Variants in CFDP1 observed in about 807,000 individuals in gnomAD.
CFDP1 encodes the protein heterochromatin-stabilizing protein CFDP1.
In CFDP1, 31 loss-of-function variants were observed where a neutral mutation model predicts 40.1. The observed-to-expected ratio is 0.77, with a 90% CI of 0.58 to 1.04. CFDP1 has a LOEUF of 1.04. Ranked by LOEUF, CFDP1 falls within the 50% of genes least tolerant of loss-of-function variation. CFDP1 has a pLI of 0.00. For missense variants in CFDP1, 423 were observed against 343.4 expected, an observed-to-expected ratio of 1.23 and a Z score of -1.83; for synonymous variants, 167 against 120.0, an observed-to-expected ratio of 1.39 and a Z score of -2.56.
At chr16:75,353,334 T>C (rs1368107707) in intron 5 of CFDP1, among the ~76,000 whole-genome samples, 2 of 152,200 alleles carry the variant, frequency 1.3e-5, no homozygotes, top group African/African-American at 2.4e-5. Context: ...AAAGAAGAGA[T>C]ACATACTGAA....
chr16:75,427,084 G>C (rs527635069), intron 1 of CFDP1, among the ~76,000 whole-genome samples: 9 of 150,726 alleles, frequency 6.0e-5, no homozygotes, highest in African/African-American at 1.9e-4. Flanking sequence ...ATCTGACAAA[G>C]GACTATATCC....
intron 2 of CFDP1, among the ~76,000 whole-genome samples, chr16:75,414,229 A>T (rs897742694): frequency 6.6e-6 from 1 of 152,210 alleles, no homozygotes. Flanking sequence ...AATGAAGAAA[A>T]TATAGACATA....
chr16:75,342,070 C>A (rs2078531200), intron 5 of CFDP1, among the ~76,000 whole-genome samples: 1 of 152,204 alleles, frequency 6.6e-6, no homozygotes, highest in African/African-American at 2.4e-5. Context: ...TGTACCTCAT[C>A]CCTGAATATC....
chr16:75,326,294 C>T (rs919860402), intron 5 of CFDP1, among the ~76,000 whole-genome samples: 8 of 152,276 alleles, frequency 5.3e-5, no homozygotes, highest in African/African-American at 1.7e-4. Context: ...TACACTACTA[C>T]GTTATGAGCC....
At chr16:75,424,755 CAAAAA>C (rs34126287) in intron 1 of CFDP1, among the ~76,000 whole-genome samples, 2 of 129,454 alleles carry the variant, frequency 1.5e-5, no homozygotes. Context: ...GACTCCGTCT[CAAAAA>C]AAAAAAAAAA....
intron 5 of CFDP1, among the ~76,000 whole-genome samples, chr16:75,351,900 C>T (rs976440827): frequency 1.2e-4 from 18 of 147,642 alleles, no homozygotes; most frequent in African/African-American, 4.6e-4. Context: ...CCCAGCTACT[C>T]AGGAAGCTGA....
chr16:75,336,675 T>A (rs908163828), intron 5 of CFDP1, among the ~76,000 whole-genome samples: 1 of 152,278 alleles, frequency 6.6e-6, no homozygotes, highest in African/African-American at 2.4e-5. Context: ...TAAAGCTGTA[T>A]GTTATTCCAT....
At position 75,396,438 on chromosome 16, in the gene CFDP1, C is replaced by G. The variant is rs2078995344; in HGVS notation, c.531-1229G>C. On this transcript the variant is annotated intron_variant, in intron 4 of 6. Transcript: ENST00000283882. ...CCTGTAATCACAGCTACTAGGGAGG[C>G]TGAGGCAGGAGAATTGCCTGAACCC... 3.9e-5 allele frequency among the ~76,000 whole-genome samples: 4 copies of G among 103,170 alleles called. 2 individuals carry two copies. The highest frequency in any genetic ancestry group is 9.3e-5 in the Non-Finnish European group (4 of 43,148). 67.7% of individuals were successfully genotyped at this position (103,170 alleles called of 152,430 possible).
intron 6 of CFDP1, among the ~76,000 whole-genome samples, chr16:75,294,499 T>C (rs1246655721): frequency 1.3e-5 from 2 of 152,042 alleles, no homozygotes; most frequent in African/African-American, 4.8e-5. Flanking sequence ...CCTGCATACA[T>C]ACATCAAAAC....
chr16:75,365,081 T>C (rs2078704661), intron 5 of CFDP1, among the ~76,000 whole-genome samples: 1 of 152,240 alleles, frequency 6.6e-6, no homozygotes, highest in Admixed American at 6.5e-5. Flanking sequence ...GACTGGCTAG[T>C]TGTTTTTCCA....
intron 5 of CFDP1, among the ~76,000 whole-genome samples, chr16:75,346,735 AAAGTC>A (rs1351192817): frequency 1.7e-3 from 256 of 151,682 alleles, no homozygotes; most frequent in African/African-American, 5.9e-3. Context: ...AAAAAAAAAA[AAAGTC>A]AGCACCTACT....
chr16:75,303,404 T>TAAATAAATAAATAA (rs1567639342), intron 6 of CFDP1, among the ~76,000 whole-genome samples: 19 of 41,528 alleles, frequency 4.6e-4, no homozygotes, highest in Middle Eastern at 0.016. Flanking sequence ...TAAATAAATG[T>TAAATAAATAAATAA]ATGTATGTAT....
chr16:75,390,858 T>C (rs374705140), intron 5 of CFDP1, among the ~76,000 whole-genome samples: 19 of 152,188 alleles, frequency 1.2e-4, no homozygotes, highest in African/African-American at 2.4e-4. Flanking sequence ...GGGGTAGTAA[T>C]AGAGTCTCAT....
intron 6 of CFDP1, 22 bp from the exon 7 acceptor site, chr16:75,294,064 T>C (rs751409579): frequency 1.3e-6 from 2 of 1,587,388 alleles, no homozygotes; most frequent in African/African-American, 1.3e-5. Flanking sequence ...AAACAGTGTT[T>C]GTCAGTAGAA....
chr16:75,427,444 G>A (rs919001556), intron 1 of CFDP1, among the ~76,000 whole-genome samples: 1 of 151,944 alleles, frequency 6.6e-6, no homozygotes, highest in African/African-American at 2.4e-5. Flanking sequence ...GTAGAGACAG[G>A]GTTTCAACAT....
At chr16:75,359,901 G>T (rs1417011665) in intron 5 of CFDP1, among the ~76,000 whole-genome samples, 1 of 152,096 alleles carries the variant, frequency 6.6e-6, no homozygotes, top group Non-Finnish European at 1.5e-5. Context: ...CATTTGCATT[G>T]CTAATGGCTA....
intron 5 of CFDP1, among the ~76,000 whole-genome samples, chr16:75,340,526 G>A (rs189755356): frequency 6.6e-6 from 1 of 152,286 alleles, no homozygotes; most frequent in East Asian, 1.9e-4. Context: ...TCTTGTCAGA[G>A]TGAGTAGGAA....
At chr16:75,382,824 G>C (rs1032244695) in intron 5 of CFDP1, among the ~76,000 whole-genome samples, 1 of 152,122 alleles carries the variant, frequency 6.6e-6, no homozygotes, top group Non-Finnish European at 1.5e-5. Flanking sequence ...ATTTGACTGT[G>C]GGGGAAAACT....
chr16:75,361,532 G>T (rs570043250), intron 5 of CFDP1, among the ~76,000 whole-genome samples: 1 of 152,144 alleles, frequency 6.6e-6, no homozygotes, highest in African/African-American at 2.4e-5. Context: ...CATGAGAATC[G>T]CTTGAACCTG....
Sources: gnomAD v4.1 joint callset for allele counts (sites outside exome capture counted in the v4.1 genomes callset) on GRCh38, gnomAD v4.1.1 for gene constraint, MANE v1.5 for transcripts, NCBI Gene and HGNC (gene_info 2026-07-23, HGNC 2026-07-21) for gene names.